Variants in FAM210A observed in about 807,000 individuals in gnomAD.
The protein encoded by FAM210A is mitochondrial inner membrane scaffold 1.
Under a neutral mutation model 25.3 loss-of-function variants are expected in FAM210A, and 13 were observed. The observed-to-expected ratio is 0.51, with a 90% confidence interval of 0.33 to 0.82. The LOEUF (loss-of-function observed/expected upper bound fraction) is 0.82. Among genes scored for constraint, FAM210A ranks in the 40% least tolerant of loss-of-function variants. The pLI is 0.02. For synonymous variants in FAM210A, 125 were observed against 118.7 expected, an observed-to-expected ratio of 1.05 and a Z score of -0.35; for missense variants, 319 against 323.2, an observed-to-expected ratio of 0.99 and a Z score of 0.10.
chr18:13,675,075 CTTCA>C (rs199608766), intron 2 of FAM210A, among the ~76,000 whole-genome samples: 6,777 of 11,232 alleles, frequency 0.6, 1,436 homozygotes, highest in Non-Finnish European at 0.62. Flanking sequence ...TGAGCCCCAA[CTTCA>C]TTATTTCCAG....
intron 1 of FAM210A, among the ~76,000 whole-genome samples, chr18:13,690,797 G>C (rs2043636992): frequency 6.6e-6 from 1 of 152,188 alleles, no homozygotes; most frequent in Non-Finnish European, 1.5e-5. Flanking sequence ...CAACAAAGAA[G>C]GGGAGAAACC....
chr18:13,706,644 G>C (rs2043780182), intron 1 of FAM210A, among the ~76,000 whole-genome samples: 1 of 152,160 alleles, frequency 6.6e-6, no homozygotes, highest in African/African-American at 2.4e-5. Flanking sequence ...AATAAAAGAG[G>C]GAATGATTTA....
intron 1 of FAM210A, among the ~76,000 whole-genome samples, chr18:13,704,646 C>T (rs560240588): frequency 1.6e-4 from 24 of 152,216 alleles, no homozygotes; most frequent in South Asian, 4.1e-4. Flanking sequence ...GAGAGGTAAG[C>T]ACAGGATTAT....
chr18:13,678,103 A>G (rs899886794), intron 2 of FAM210A, among the ~76,000 whole-genome samples: 2 of 152,170 alleles, frequency 1.3e-5, no homozygotes, highest in African/African-American at 2.4e-5. Flanking sequence ...ATCTCTTTCT[A>G]GATAACAACT....
At chr18:13,689,574 G>A (rs183627901) in intron 1 of FAM210A, among the ~76,000 whole-genome samples, 13 of 152,150 alleles carry the variant, frequency 8.5e-5, no homozygotes, top group Admixed American at 2.6e-4. Context: ...CTGGACGCTC[G>A]CCCCCGTGGC....
chr18:13,694,492 C>T (rs2040839425), intron 1 of FAM210A, among the ~76,000 whole-genome samples: 1 of 152,216 alleles, frequency 6.6e-6, no homozygotes, highest in Non-Finnish European at 1.5e-5. Flanking sequence ...GTAACCAAAA[C>T]AGCATGGTAC....
chr18:13,711,193 A>T (rs760839357), intron 1 of FAM210A, among the ~76,000 whole-genome samples: 7 of 151,820 alleles, frequency 4.6e-5, no homozygotes, highest in Middle Eastern at 3.2e-3. Context: ...CAACATGATG[A>T]AACCCTGTCT....
intron 1 of FAM210A, among the ~76,000 whole-genome samples, chr18:13,718,026 C>T (rs993518030): frequency 1.5e-4 from 23 of 152,176 alleles, no homozygotes; most frequent in African/African-American, 5.1e-4. Context: ...ACTCTGCCTA[C>T]AACCTCAATG....
chr18:13,703,609 G>A (rs1208418959), intron 1 of FAM210A, among the ~76,000 whole-genome samples: 1 of 152,126 alleles, frequency 6.6e-6, no homozygotes, highest in Non-Finnish European at 1.5e-5. Flanking sequence ...CCTAAAGCCA[G>A]TAATCCAATT....
intron 1 of FAM210A, among the ~76,000 whole-genome samples, chr18:13,720,859 C>T (rs2043892889): frequency 6.6e-6 from 1 of 152,094 alleles, no homozygotes; most frequent in South Asian, 2.1e-4. Flanking sequence ...TCATGCCTAC[C>T]CCCTTGCTCC....
chr18:13,706,684 C>A (rs1412224554), intron 1 of FAM210A, among the ~76,000 whole-genome samples: 1 of 152,182 alleles, frequency 6.6e-6, no homozygotes, highest in African/African-American at 2.4e-5. Flanking sequence ...GGCTTTATAG[C>A]AGTTTCTACT....
intron 1 of FAM210A, among the ~76,000 whole-genome samples, chr18:13,705,651 T>C (rs1317917302): frequency 6.6e-6 from 1 of 152,106 alleles, no homozygotes; most frequent in East Asian, 1.9e-4. Context: ...TTTGTCTTTT[T>C]AGTAGAGACA....
chr18:13,687,291 C>T (rs1473307304), intron 1 of FAM210A, among the ~76,000 whole-genome samples: 1 of 152,118 alleles, frequency 6.6e-6, no homozygotes, highest in African/African-American at 2.4e-5. Context: ...GGGCTCTTTC[C>T]CACCCACTAG....
chr18:13,683,951 C>T (rs909834202), intron 1 of FAM210A, among the ~76,000 whole-genome samples: 1 of 152,194 alleles, frequency 6.6e-6, no homozygotes, highest in Non-Finnish European at 1.5e-5. Context: ...TATCCACCTA[C>T]AAAAATTAAT....
intron 1 of FAM210A, among the ~76,000 whole-genome samples, chr18:13,702,437 G>A (rs1353182114): frequency 6.6e-6 from 1 of 152,218 alleles, no homozygotes; most frequent in East Asian, 1.9e-4. Flanking sequence ...AAGCTGGTCA[G>A]TAACGAACTT....
rs779001199 is a variant in FAM210A, at chr18:13,672,006, C to T, written c.474-33G>A. 6 of 1,422,722 alleles carry T rather than the reference C, an allele frequency of 4.2e-6. 1 individual carries two copies. The highest frequency in any genetic ancestry group is 3.6e-5 in the South Asian group (3 of 83,628). The allele number at this position is 1,422,722 out of a possible 1,614,324, so 88.1% of individuals were successfully genotyped here. On this transcript the variant is annotated intron_variant, in intron 2 of 3. Coordinates refer to ENST00000651643, the MANE Select transcript of FAM210A (RefSeq NM_152352.4). ...AAAAAAAAAGTAATTTTCATATGTA[C>T]AAACTTTTAATGATATTTTCAAAAA...
intron 1 of FAM210A, among the ~76,000 whole-genome samples, chr18:13,722,844 CCTTT>C (rs2043907730): frequency 7.6e-6 from 1 of 130,814 alleles, no homozygotes; most frequent in African/African-American, 2.6e-5. Context: ...CCTTTTCTTT[CCTTT>C]CTTTTTTTTT....
At chr18:13,696,527 A>G (rs2043695207) in intron 1 of FAM210A, among the ~76,000 whole-genome samples, 1 of 152,208 alleles carries the variant, frequency 6.6e-6, no homozygotes, top group Non-Finnish European at 1.5e-5. Context: ...TCAGCCAGTG[A>G]TGGACAGCAT....
At chr18:13,702,320 T>G (rs2149065571) in intron 1 of FAM210A, among the ~76,000 whole-genome samples, 1 of 152,382 alleles carries the variant, frequency 6.6e-6, no homozygotes. Flanking sequence ...GCAGCCAATT[T>G]GGTATGCTTG....
Sources: gnomAD v4.1 joint callset for allele counts (sites outside exome capture counted in the v4.1 genomes callset) on GRCh38, gnomAD v4.1.1 for gene constraint, MANE v1.5 for transcripts, NCBI Gene and HGNC (gene_info 2026-07-23, HGNC 2026-07-21) for gene names.